The following PDE10A variants were observed in gnomAD, a reference collection of about 807,000 sequenced individuals.
PDE10A encodes the protein cAMP and cAMP-inhibited cGMP 3',5'-cyclic phosphodiesterase 10A.
PDE10A carries 39 observed loss-of-function variants against 97.7 expected under a neutral mutation model. The observed-to-expected ratio is 0.40, with a 90% CI of 0.31 to 0.52. PDE10A has a LOEUF of 0.52. Among genes scored for constraint, PDE10A ranks in the 20% least tolerant of loss-of-function variants. PDE10A has a pLI of 0.56. For missense variants in PDE10A, 731 were observed against 1,047.8 expected (o/e 0.70, Z 4.17); for synonymous variants, 371 against 376.8 (o/e 0.98, Z 0.18).
intron 13 of PDE10A, among the ~76,000 whole-genome samples, chr6:165,411,844 G>T (rs1787871799): frequency 6.6e-6 from 1 of 152,082 alleles, no homozygotes; most frequent in Non-Finnish European, 1.5e-5. Context: ...AACATTTGGG[G>T]AATATGGATA....
intron 2 of PDE10A, among the ~76,000 whole-genome samples, chr6:165,524,706 GA>G (rs1226321885): frequency 1.3e-5 from 2 of 152,268 alleles, no homozygotes; most frequent in East Asian, 1.9e-4. Context: ...TGAAATTGTG[GA>G]AAAACAGACA....
At chr6:165,846,450 C>T (rs926068720) in intron 1 of PDE10A, among the ~76,000 whole-genome samples, 1 of 152,316 alleles carries the variant, frequency 6.6e-6, no homozygotes. Context: ...CATGGGCTAC[C>T]GCACCACCCT....
Position 165,655,923 on chromosome 6 carries a change from C to T in PDE10A, c.865+6024G>A, listed in dbSNP as rs939114100. Among the ~76,000 whole-genome samples the T allele has an allele frequency of 2.0e-5, 3 of 152,036 alleles. No individual in the cohort carries two copies. The highest frequency in any genetic ancestry group is 6.5e-5 in the Admixed American group (1 of 15,276). ...TAGGGTGCTTTTCCCCAGATAACTG[C>T]ATGGCCGATGACACCTTGTCACTCA... On this transcript the variant is annotated intron_variant, in intron 1 of 21. Coordinates refer to ENST00000539869, the MANE Select transcript of PDE10A (RefSeq NM_001385079.1). The surrounding 1 kb of genome is among the most constrained non-coding windows in gnomAD (Gnocchi z 4.5).
At chr6:165,515,072 G>T (rs766193436) in intron 2 of PDE10A, among the ~76,000 whole-genome samples, 19 of 152,244 alleles carry the variant, frequency 1.2e-4, no homozygotes, top group South Asian at 8.3e-4. Context: ...CTTTCAGAGG[G>T]CATGCGGATC....
chr6:165,444,548 G>T (rs753889168), intron 5 of PDE10A, among the ~76,000 whole-genome samples: 4 of 151,898 alleles, frequency 2.6e-5, no homozygotes, highest in Non-Finnish European at 5.9e-5. Flanking sequence ...AAGACAGTTT[G>T]GTTTTTTAAC....
intron 1 of PDE10A, among the ~76,000 whole-genome samples, chr6:165,943,161 GAAGAA>G (rs1229892405): frequency 1.0e-5 from 1 of 97,782 alleles, no homozygotes; most frequent in Admixed American, 1.0e-4. Context: ...GAGAGAGAGA[GAAGAA>G]AGAAAGAAAA....
At chr6:165,758,486 G>A (rs867015857) in intron 1 of PDE10A, among the ~76,000 whole-genome samples, 6 of 138,442 alleles carry the variant, frequency 4.3e-5, no homozygotes, top group South Asian at 2.7e-4. Context: ...AAGAAGAAAG[G>A]AGAAAGAAGA....
rs765177951 is a variant in PDE10A, at chr6:165,416,178, C to T, written c.1889+11G>A. The T allele has an allele frequency of 1.9e-6, 3 of 1,543,208 alleles. No homozygotes were observed. In the South Asian group the frequency reaches 3.3e-5, roughly 17 times the overall value. ...GAAATCAATGGAGTGTCGACATCAG[C>T]TATTTCTTACCTGTTAAAGCGTGGG... On this transcript the variant is annotated intron_variant, in intron 12 of 21. Coordinates refer to ENST00000539869, the MANE Select transcript of PDE10A (RefSeq NM_001385079.1).
intron 2 of PDE10A, among the ~76,000 whole-genome samples, chr6:165,518,568 A>C (rs779386588): frequency 6.6e-6 from 1 of 152,162 alleles, no homozygotes; most frequent in Non-Finnish European, 1.5e-5. Flanking sequence ...CCCTCACTTT[A>C]CTTAATAATG....
At chr6:165,452,087 C>T (rs148368523) in intron 3 of PDE10A, among the ~76,000 whole-genome samples, 19 of 152,174 alleles carry the variant, frequency 1.2e-4, no homozygotes, top group African/African-American at 4.6e-4. Flanking sequence ...TTCACCAAGG[C>T]CATGAGAAAC....
chr6:165,760,179 G>A (rs1364084998), intron 1 of PDE10A, among the ~76,000 whole-genome samples: 1 of 152,200 alleles, frequency 6.6e-6, no homozygotes, highest in Non-Finnish European at 1.5e-5. Flanking sequence ...ACCCTGTAGA[G>A]TTGATACAGC....
At chr6:165,346,966 A>G (rs1014404071) in intron 18 of PDE10A, among the ~76,000 whole-genome samples, 2 of 152,188 alleles carry the variant, frequency 1.3e-5, no homozygotes, top group Admixed American at 6.5e-5. Flanking sequence ...GGGGATGTAC[A>G]GTGGATGTTT....
intron 1 of PDE10A, among the ~76,000 whole-genome samples, chr6:165,809,964 TGGAATATGCTGGC>T (rs1197373940): frequency 2.6e-5 from 4 of 152,176 alleles, no homozygotes; most frequent in African/African-American, 9.7e-5. Flanking sequence ...TGCAATGTGA[TGGAATATGCTGGC>T]GGAATATGCA....
intron 1 of PDE10A, among the ~76,000 whole-genome samples, chr6:165,563,651 AGGCT>A (rs1216892326): frequency 6.6e-6 from 1 of 152,174 alleles, no homozygotes; most frequent in African/African-American, 2.4e-5. Flanking sequence ...GCACCTTGGG[AGGCT>A]GAGGCAGGCC....
In PDE10A at chr6:165,336,757, A is replaced by G. The variant is rs867877929; in HGVS notation, c.2977-546T>C. ...GGCGACAGAGCGAGACTCCGTCTCAAAAAAAAAAAAAAAAAAAAAAAAATA... is the reference window on the plus strand; with the variant it reads ...GGCGACAGAGCGAGACTCCGTCTCAGAAAAAAAAAAAAAAAAAAAAAAATA... On this transcript the variant is annotated intron_variant, in intron 20 of 21. Coordinates refer to ENST00000539869, the MANE Select transcript of PDE10A (RefSeq NM_001385079.1). Among the ~76,000 whole-genome samples, 1,055 of 128,058 alleles carry G rather than the reference A, an allele frequency of 8.2e-3. 4 individuals are homozygous for G. Among genetic ancestry groups the G allele is most frequent in the African/African-American group, 0.03 (994 of 33,158 alleles). The allele number at this position is 128,058 out of a possible 152,430, so 84.0% of individuals were successfully genotyped here. A position where few individuals can be genotyped will look rare whatever the true frequency, so the allele number is the denominator to read the frequency against.
intron 1 of PDE10A, among the ~76,000 whole-genome samples, chr6:165,921,226 C>A (rs562674953): frequency 6.6e-6 from 1 of 152,162 alleles, no homozygotes; most frequent in African/African-American, 2.4e-5. Context: ...TTTCAGCTGC[C>A]GGTAGACTGC....
At chr6:165,758,604 CAGA>C (rs934246642) in intron 1 of PDE10A, among the ~76,000 whole-genome samples, 31 of 146,222 alleles carry the variant, frequency 2.1e-4, no homozygotes, top group African/African-American at 5.8e-4. Context: ...GAGGCAGCAG[CAGA>C]AGAAGCAGCA....
chr6:165,958,747 G>GAGAGAAAGAAAGAA (rs1784264439), intron 1 of PDE10A, among the ~76,000 whole-genome samples: 1 of 106,132 alleles, frequency 9.4e-6, no homozygotes, highest in African/African-American at 3.4e-5. Context: ...AAGAAAGAAA[G>GAGAGAAAGAAAGAA]AGAAAGAAAG....
chr6:165,554,554 C>T (rs146488768), intron 1 of PDE10A, among the ~76,000 whole-genome samples: 10 of 152,200 alleles, frequency 6.6e-5, no homozygotes, highest in East Asian at 1.9e-4. Flanking sequence ...AACCTTTGTA[C>T]GCTGTGGTAT....
Sources: allele counts gnomAD v4.1 joint callset (sites outside exome capture counted in the v4.1 genomes callset), GRCh38; gene constraint gnomAD v4.1.1; non-coding constraint Gnocchi (gnomAD v3.1); transcripts MANE v1.5; gene names NCBI Gene and HGNC (gene_info 2026-07-23, HGNC 2026-07-21).